Variants in CCDC7 observed in about 807,000 individuals in gnomAD.
CCDC7 encodes the protein coiled-coil domain containing 7, also known as coiled-coil domain-containing protein 7.
Under a neutral mutation model 196.9 loss-of-function variants are expected in CCDC7, and 183 were observed. That is an observed-to-expected ratio of 0.93 (90% CI 0.82 to 1.05). The LOEUF is 1.05. Ranked by LOEUF, CCDC7 falls within the 50% of genes least tolerant of loss-of-function variation. The probability of loss-of-function intolerance (pLI) is 0.00; values close to 1 mark genes in which losing one functional copy is unlikely to be tolerated. For missense variants in CCDC7, 1,540 were observed against 1,482.2 expected (o/e 1.04, Z -0.64); for synonymous variants, 525 against 484.6 (o/e 1.08, Z -1.10).
intron 16 of CCDC7, among the ~76,000 whole-genome samples, chr10:32,581,664 C>T (rs1056459700): frequency 1.3e-4 from 20 of 152,060 alleles, no homozygotes; most frequent in Non-Finnish European, 2.1e-4. Flanking sequence ...AAAGCCTGAA[C>T]GTGGGAATAT....
intron 35 of CCDC7, 109 bp from the exon 37 acceptor site, chr10:32,845,767 T>G: frequency 1.4e-6 from 1 of 709,252 alleles, no homozygotes. Context: ...CCTTCCATAA[T>G]TACACACACA....
At chr10:32,845,391 G>A (rs2093224853) in intron 34 of CCDC7, 65 bp downstream of exon 35, 7 of 1,314,762 alleles carry the variant, frequency 5.3e-6, no homozygotes, top group Non-Finnish European at 6.4e-6. Context: ...GTTAAATTAA[G>A]TATAGACCTT....
chr10:32,851,891 C>T (rs1274891325), exon 40 of CCDC7: 1 of 1,610,600 alleles, frequency 6.2e-7, no homozygotes, highest in South Asian at 1.1e-5. Flanking sequence ...CCAAGCTTTT[C>T]TAAAGACATC....
chr10:32,583,041 A>G, exon 17 of CCDC7: 1 of 1,231,270 alleles, frequency 8.1e-7, no homozygotes. Flanking sequence ...AAGCTCAGAG[A>G]AGAAACGATC....
intron 32 of CCDC7, among the ~76,000 whole-genome samples, chr10:32,828,467 G>GAAGAAGAA (rs1555179415): frequency 1.7e-3 from 82 of 48,924 alleles, no homozygotes; most frequent in Middle Eastern, 0.01. Flanking sequence ...AAGAAGAAGA[G>GAAGAAGAA]GAAGAGGAAG....
chr10:32,625,852 CT>C (rs2063971110), intron 18 of CCDC7, among the ~76,000 whole-genome samples: 1 of 152,038 alleles, frequency 6.6e-6, no homozygotes, highest in East Asian at 1.9e-4. Flanking sequence ...GCTTATTTCA[CT>C]TAGCATAGTG....
chr10:32,452,019 A>C, intron 1 of CCDC7, 98 bp downstream of exon 2: 1 of 1,414,898 alleles, frequency 7.1e-7, no homozygotes, highest in Non-Finnish European at 9.3e-7. Context: ...ATATAGTCAT[A>C]CCGATGGCTA....
At position 32,472,627 on chromosome 10, in the gene CCDC7, C is replaced by T. The variant is rs182109154; in HGVS notation, c.739+85C>T. On this transcript the variant is annotated intron_variant, in intron 7 of 41. Transcript: ENST00000639629. ...TTTATCTTTTAAAGAGAGGGTCTCA[C>T]TCTGTCACCCATGCTGGAGTGTAGT... 7.3e-6 allele frequency: 9 copies of T among 1,236,070 alleles called. No individual in the cohort carries two copies. In the East Asian group the frequency reaches 8.5e-5, roughly 12 times the overall value. The allele number at this position is 1,236,070 out of a possible 1,614,324, so 76.6% of individuals were successfully genotyped here.
At chr10:32,596,902 G>C (rs1294976902) in intron 18 of CCDC7, among the ~76,000 whole-genome samples, 5 of 152,204 alleles carry the variant, frequency 3.3e-5, no homozygotes, top group African/African-American at 1.2e-4. Context: ...TCTGCTGTTA[G>C]TCTGATGGGC....
downstream of CCDC7, among the ~76,000 whole-genome samples, chr10:32,880,098 C>G (rs914828485): frequency 8.5e-5 from 13 of 152,078 alleles, no homozygotes; most frequent in South Asian, 1.9e-3. Flanking sequence ...AATGGTATTT[C>G]TGGTTCTAGA....
intron 22 of CCDC7, among the ~76,000 whole-genome samples, chr10:32,687,751 T>C (rs2076623964): frequency 6.6e-6 from 1 of 152,196 alleles, no homozygotes; most frequent in Admixed American, 6.5e-5. Flanking sequence ...TGTTTTGTTT[T>C]GAAAGCTGAG....
chr10:32,726,519 A>G (rs1370954321), intron 25 of CCDC7, among the ~76,000 whole-genome samples: 4 of 152,228 alleles, frequency 2.6e-5, no homozygotes, highest in Non-Finnish European at 5.9e-5. Flanking sequence ...TAGAATATTT[A>G]TGATATAATG....
rs768548126 is a variant in CCDC7, at chr10:32,729,462, GTAAT to G, written c.2905+8_2905+11del. The G allele has an allele frequency of 2.6e-6, 3 of 1,169,570 alleles. No individual in the cohort carries two copies. The highest frequency in any genetic ancestry group is 3.1e-5 in the South Asian group (2 of 64,264). The allele number at this position is 1,169,570 out of a possible 1,614,324, so 72.4% of individuals were successfully genotyped here. On this transcript the variant is annotated splice_donor_region_variant and intron_variant, in intron 28 of 41. Transcript: ENST00000639629. The stretch of plus-strand genomic sequence containing the variant: ...CTAAAGTAACTTCAAGAAAAAGTAA[GTAAT>G]TATTTATAAATCTTATAAATTGTTT...
chr10:32,463,080 A>G (rs540353936), intron 5 of CCDC7, 31 bp downstream of exon 6: 48 of 1,610,422 alleles, frequency 3.0e-5, no homozygotes, highest in South Asian at 7.8e-5. Flanking sequence ...TTGTTAAGTT[A>G]ATATTTTTTA....
chr10:32,751,112 TG>T (rs766152847), intron 28 of CCDC7, among the ~76,000 whole-genome samples: 5 of 152,126 alleles, frequency 3.3e-5, no homozygotes, highest in Non-Finnish European at 7.4e-5. Context: ...GCCTCCACCT[TG>T]GCTGCACAAT....
At chr10:32,779,806 A>C (rs2080750300) in intron 29 of CCDC7, among the ~76,000 whole-genome samples, 1 of 152,222 alleles carries the variant, frequency 6.6e-6, no homozygotes, top group South Asian at 2.1e-4. Flanking sequence ...AAACCAAGAG[A>C]ATACCTAATT....
At chr10:32,567,956 A>T in intron 15 of CCDC7, 65 bp downstream of exon 16, 6 of 1,359,996 alleles carry the variant, frequency 4.4e-6, no homozygotes, top group East Asian at 2.7e-5. Flanking sequence ...TTATATTATT[A>T]TTTACTTCAT....
intron 13 of CCDC7, 60 bp downstream of exon 14, chr10:32,544,361 A>G: frequency 1.3e-6 from 2 of 1,511,466 alleles, no homozygotes; most frequent in Non-Finnish European, 1.8e-6. Context: ...TGATAGTCAT[A>G]TATAGAGAAA....
At chr10:32,705,427 C>T (rs925329936) in intron 24 of CCDC7, among the ~76,000 whole-genome samples, 1 of 152,046 alleles carries the variant, frequency 6.6e-6, no homozygotes, top group Non-Finnish European at 1.5e-5. Context: ...GCAAAAGAAC[C>T]AGCTAACATC....
Sources: gnomAD v4.1 joint callset for allele counts (sites outside exome capture counted in the v4.1 genomes callset) on GRCh38, gnomAD v4.1.1 for gene constraint, MANE v1.5 for transcripts, NCBI Gene and HGNC (gene_info 2026-07-23, HGNC 2026-07-21) for gene names.